Variants in PTCHD4 observed in about 807,000 individuals in gnomAD.
PTCHD4 encodes patched domain-containing protein 4.
In PTCHD4, 33 loss-of-function variants were observed where a neutral mutation model predicts 58.1. The observed-to-expected ratio is 0.57, with a 90% confidence interval of 0.43 to 0.76. The LOEUF (loss-of-function observed/expected upper bound fraction) is 0.76, where lower values mean the gene tolerates loss of function less well. Ranked by LOEUF, PTCHD4 falls within the 30% of genes least tolerant of loss-of-function variation. PTCHD4 has a pLI of 0.00. For synonymous variants in PTCHD4, 478 were observed against 409.6 expected (o/e 1.17, Z -2.02); for missense variants, 1,058 against 1,027.1 (o/e 1.03, Z -0.41).
chr6:48,014,023 T>C (rs1762783872), intron 3 of PTCHD4, among the ~76,000 whole-genome samples: 1 of 152,142 alleles, frequency 6.6e-6, no homozygotes, highest in Admixed American at 6.6e-5. Flanking sequence ...AGTTGTCTAA[T>C]TCCCATTTTT....
chr6:48,033,950 A>G (rs539217422), intron 3 of PTCHD4, among the ~76,000 whole-genome samples: 238 of 152,218 alleles, frequency 1.6e-3, no homozygotes, highest in African/African-American at 5.6e-3. Context: ...GAGGGAATTA[A>G]TGAATAATTA....
chr6:47,984,805 C>A (rs1338254560), intron 4 of PTCHD4, among the ~76,000 whole-genome samples: 1 of 151,834 alleles, frequency 6.6e-6, no homozygotes, highest in African/African-American at 2.4e-5. Flanking sequence ...CACTTATGAT[C>A]TAAAATAAAA....
rs1373549358 is a variant in PTCHD4 at position 47,865,042 on chromosome 6, G to A, written c.*13261C>T. ...TTTCTAAGCATAAATCACCTGAACT[G>A]CTAAATTCCCTGAAATGCAAATAAA... On this transcript the variant is annotated 3_prime_UTR_variant, in exon 5 of 5. Transcript: ENST00000339488. Among the ~76,000 whole-genome samples, 1 of 151,832 alleles carries A rather than the reference G, an allele frequency of 6.6e-6. No individual in the cohort carries two copies.
intron 3 of PTCHD4, among the ~76,000 whole-genome samples, chr6:48,009,980 C>T (rs1762608206): frequency 6.6e-6 from 1 of 152,188 alleles, no homozygotes; most frequent in African/African-American, 2.4e-5. Context: ...CGAAGAGTTA[C>T]TAAAACAGGT....
chr6:48,096,911 C>T (rs1016845265), intron 1 of PTCHD4, among the ~76,000 whole-genome samples: 10 of 152,100 alleles, frequency 6.6e-5, no homozygotes, highest in African/African-American at 2.4e-4. Flanking sequence ...ACTGTTTCAA[C>T]TGAAAATTTT....
At chr6:47,997,548 C>T (rs74979587) in intron 4 of PTCHD4, among the ~76,000 whole-genome samples, 1,622 of 152,118 alleles carry the variant, frequency 0.011, 37 homozygotes, top group African/African-American at 0.036. Context: ...ACTAAGTCAA[C>T]GAGGGGAAGC....
intron 4 of PTCHD4, among the ~76,000 whole-genome samples, chr6:47,912,637 A>C (rs1765106261): frequency 6.6e-6 from 1 of 152,154 alleles, no homozygotes; most frequent in Non-Finnish European, 1.5e-5. Context: ...AATTCAAATG[A>C]ATAAGAATTA....
intron 4 of PTCHD4, among the ~76,000 whole-genome samples, chr6:47,956,785 A>G (rs1766879044): frequency 6.6e-6 from 1 of 152,176 alleles, no homozygotes; most frequent in South Asian, 2.1e-4. Flanking sequence ...TAAACTATTC[A>G]TACATACACA....
chr6:47,928,356 C>G (rs183677569), intron 4 of PTCHD4, among the ~76,000 whole-genome samples: 212 of 152,264 alleles, frequency 1.4e-3, no homozygotes, highest in African/African-American at 4.5e-3. Flanking sequence ...GAGAATGAAA[C>G]TAGGAGATCT....
chr6:47,986,894 T>C (rs1167466409), intron 4 of PTCHD4, among the ~76,000 whole-genome samples: 1 of 152,176 alleles, frequency 6.6e-6, no homozygotes, highest in Non-Finnish European at 1.5e-5. Flanking sequence ...AAATACCTGC[T>C]TGATATCACA....
At chr6:48,042,432 CA>C (rs1763878803) in intron 3 of PTCHD4, among the ~76,000 whole-genome samples, 1 of 151,862 alleles carries the variant, frequency 6.6e-6, no homozygotes, top group Non-Finnish European at 1.5e-5. Flanking sequence ...AAGGCAAATG[CA>C]ATACAACACA....
intron 4 of PTCHD4, among the ~76,000 whole-genome samples, chr6:47,910,543 A>G (rs1289021178): frequency 6.6e-6 from 1 of 152,152 alleles, no homozygotes; most frequent in African/African-American, 2.4e-5. Context: ...CATACAAATA[A>G]TAAAGAGAAT....
At chr6:48,000,163 G>A (rs1232529107) in intron 4 of PTCHD4, among the ~76,000 whole-genome samples, 2 of 152,192 alleles carry the variant, frequency 1.3e-5, no homozygotes, top group Admixed American at 1.3e-4. Flanking sequence ...TGTTGGAACA[G>A]AGGTGGCAAA....
rs150884309 is a variant in PTCHD4, at chr6:47,878,114, C to CT, written c.*188dup. On this transcript the variant is annotated 3_prime_UTR_variant, in exon 5 of 5. Coordinates refer to ENST00000339488, the MANE Select transcript of PTCHD4 (RefSeq NM_001384253.1). ...TAGAGGAGAACAAGGTTGCAAATAA[C>CT]TTTTTCCTCTTTTTTTATTCCCTCT... The CT allele has an allele frequency of 2.0e-6, 1 of 502,454 alleles. No individual in the cohort carries two copies. Among genetic ancestry groups the CT allele is most frequent in the East Asian group, 3.1e-5 (1 of 32,226 alleles). 31.1% of individuals were successfully genotyped at this position (502,454 alleles called of 1,614,324 possible).
intron 4 of PTCHD4, among the ~76,000 whole-genome samples, chr6:47,957,075 G>A (rs954479883): frequency 1.3e-5 from 2 of 151,332 alleles, no homozygotes; most frequent in African/African-American, 4.9e-5. Context: ...TGAGGCATGA[G>A]AATCACTTGA....
intron 3 of PTCHD4, among the ~76,000 whole-genome samples, chr6:48,023,568 T>C (rs1763141319): frequency 6.6e-6 from 1 of 152,160 alleles, no homozygotes; most frequent in African/African-American, 2.4e-5. Context: ...CTCCTAATTG[T>C]ATCCCTTCTG....
At chr6:48,098,722 C>A (rs1765531360) in intron 1 of PTCHD4, among the ~76,000 whole-genome samples, 1 of 152,136 alleles carries the variant, frequency 6.6e-6, no homozygotes, top group African/African-American at 2.4e-5. Flanking sequence ...TTAGTGCTTG[C>A]AGAAAGAGAC....
chr6:48,027,705 G>A (rs183030652), intron 3 of PTCHD4, among the ~76,000 whole-genome samples: 24 of 152,006 alleles, frequency 1.6e-4, no homozygotes, highest in Non-Finnish European at 2.5e-4. Context: ...TGGGTCTGTT[G>A]GTAAACATGA....
At chr6:48,081,826 T>G (rs985953970) in intron 1 of PTCHD4, among the ~76,000 whole-genome samples, 34 of 152,352 alleles carry the variant, frequency 2.2e-4, no homozygotes, top group African/African-American at 7.9e-4. Flanking sequence ...GAATGTTTAC[T>G]CTATGCTAAA....
Sources: allele counts gnomAD v4.1 joint callset (sites outside exome capture counted in the v4.1 genomes callset), GRCh38; gene constraint gnomAD v4.1.1; transcripts MANE v1.5; gene names NCBI Gene and HGNC (gene_info 2026-07-23, HGNC 2026-07-21).